Variants in ACCSL observed in about 807,000 individuals in gnomAD.
ACCSL encodes the protein 1-aminocyclopropane-1-carboxylate synthase homolog (inactive) like, also known as probable inactive 1-aminocyclopropane-1-carboxylate synthase-like protein 2.
A neutral mutation model predicts 61.7 loss-of-function variants in ACCSL; 55 were observed. The observed-to-expected ratio is 0.89, with a 90% CI of 0.72 to 1.12. ACCSL has a LOEUF of 1.12. ACCSL is among the 50% of genes most tolerant of loss of function. The probability of loss-of-function intolerance (pLI) is 0.00; values close to 1 mark genes in which losing one functional copy is unlikely to be tolerated. For synonymous variants in ACCSL, 258 were observed against 264.3 expected (o/e 0.98, Z 0.23); for missense variants, 632 against 698.0 (o/e 0.91, Z 1.07).
At chr11:43,943,226 A>G in the ACCSL span, 2 of 1,528,762 alleles carry the variant, frequency 1.3e-6, no homozygotes, top group Non-Finnish European at 1.8e-6. The surrounding 1 kb of genome is among the most constrained non-coding windows in gnomAD (Gnocchi z 4.8). Flanking sequence ...CAGCAGCTGC[A>G]AACTGAGGAA....
chr11:44,011,314 C>G, the ACCSL span, among the ~76,000 whole-genome samples: 1 of 152,196 alleles, frequency 6.6e-6, no homozygotes, highest in African/African-American at 2.4e-5. Context: ...CAGCACTCAT[C>G]GTGGTCCTAG....
At chr11:43,990,996 G>C in the ACCSL span, among the ~76,000 whole-genome samples, 1 of 151,686 alleles carries the variant, frequency 6.6e-6, no homozygotes, top group South Asian at 2.1e-4. Context: ...ACTTGAACCC[G>C]GGTAGCAGAG....
chr11:44,003,612 C>T, the ACCSL span, among the ~76,000 whole-genome samples: 2 of 149,618 alleles, frequency 1.3e-5, no homozygotes, highest in African/African-American at 4.9e-5. Context: ...CACTACACTC[C>T]AGTCTGGGCA....
the ACCSL span, chr11:43,944,075 A>C: frequency 2.8e-6 from 1 of 352,432 alleles, no homozygotes; most frequent in Admixed American, 4.0e-5. Context: ...AAGTGGATCC[A>C]CCCCCGGTCC....
the ACCSL span, among the ~76,000 whole-genome samples, chr11:43,930,417 G>C: frequency 6.6e-6 from 1 of 152,190 alleles, no homozygotes; most frequent in African/African-American, 2.4e-5. Context: ...GGTGGGAGGT[G>C]TTTGGATCAT....
At chr11:44,005,966 G>A in the ACCSL span, among the ~76,000 whole-genome samples, 14 of 152,300 alleles carry the variant, frequency 9.2e-5, no homozygotes, top group South Asian at 6.2e-4. Flanking sequence ...CCAAAGTGCA[G>A]GGGAGGGCCC....
the ACCSL span, among the ~76,000 whole-genome samples, chr11:43,958,252 C>T: frequency 6.6e-6 from 1 of 152,200 alleles, no homozygotes; most frequent in Non-Finnish European, 1.5e-5. Flanking sequence ...TATTGTGAAC[C>T]TAAGATGGGC....
the ACCSL span, among the ~76,000 whole-genome samples, chr11:44,007,322 C>A: frequency 1.3e-5 from 2 of 152,180 alleles, no homozygotes; most frequent in African/African-American, 4.8e-5. Flanking sequence ...GGGCCCCCTT[C>A]CCAGCCAGAC....
intron 7 of ACCSL, 110 bp downstream of exon 7, chr11:44,053,178 T>A (rs1952650514): frequency 1.9e-6 from 2 of 1,033,222 alleles, no homozygotes; most frequent in Non-Finnish European, 2.9e-6. Context: ...CTGTCCTTAG[T>A]TGGAAGAGAC....
At chr11:43,942,293 C>A in the ACCSL span, 14,737 of 166,848 alleles carry the variant, frequency 0.088, 830 homozygotes, top group African/African-American at 0.14. Flanking sequence ...CCTGCGGCCC[C>A]GCGGCCAACC....
chr11:43,946,286 A>C, the ACCSL span, among the ~76,000 whole-genome samples: 1 of 151,966 alleles, frequency 6.6e-6, no homozygotes, highest in African/African-American at 2.4e-5. Context: ...TTTAGTAGAG[A>C]TAAGTTTCAC....
In ACCSL at chr11:44,050,637, G is replaced by A; in HGVS notation, c.635+15G>A. On this transcript the variant is annotated intron_variant, in intron 3 of 13. Coordinates refer to ENST00000378832, the MANE Select transcript of ACCSL (RefSeq NM_001031854.2). ...GGGCAGCCATTGTAAGTGACCTTCA[G>A]ATTTAGAGTCTCTTGGTCCCACAGG... 2.5e-6 allele frequency: 4 copies of A among 1,612,734 alleles called. No individual in the cohort carries two copies. Among genetic ancestry groups the A allele is most frequent in the East Asian group, 2.2e-5 (1 of 44,846 alleles).
the ACCSL span, among the ~76,000 whole-genome samples, chr11:43,938,885 A>G: frequency 3.9e-5 from 6 of 152,250 alleles, no homozygotes; most frequent in Non-Finnish European, 8.8e-5. Context: ...TACCCTTAAT[A>G]TAATACTTTG....
the ACCSL span, among the ~76,000 whole-genome samples, chr11:43,985,911 G>T: frequency 6.6e-6 from 1 of 151,950 alleles, no homozygotes; most frequent in Non-Finnish European, 1.5e-5. Flanking sequence ...TGGGGAGTAT[G>T]CCTGTAATCC....
chr11:43,972,485 C>A, the ACCSL span, among the ~76,000 whole-genome samples: 3 of 152,288 alleles, frequency 2.0e-5, no homozygotes, highest in Admixed American at 1.3e-4. Flanking sequence ...GTTGGTGATT[C>A]ATGCTGATAC....
the ACCSL span, among the ~76,000 whole-genome samples, chr11:44,025,904 T>G: frequency 6.6e-6 from 1 of 152,242 alleles, no homozygotes; most frequent in African/African-American, 2.4e-5. Context: ...TGATGAAAAG[T>G]CAACTGCTGA....
At chr11:43,959,597 G>A in the ACCSL span, among the ~76,000 whole-genome samples, 3 of 152,204 alleles carry the variant, frequency 2.0e-5, no homozygotes, top group East Asian at 5.8e-4. Flanking sequence ...CTGGGACTGG[G>A]CGGTGGCAGA....
upstream of ACCSL, among the ~76,000 whole-genome samples, chr11:44,047,028 A>G (rs754911554): frequency 6.6e-6 from 1 of 152,176 alleles, no homozygotes; most frequent in Non-Finnish European, 1.5e-5. Context: ...CCAAAAAAAA[A>G]CAAAAACAAA....
chr11:44,059,510 T>C (rs1352812672), intron 13 of ACCSL, among the ~76,000 whole-genome samples: 1 of 152,228 alleles, frequency 6.6e-6, no homozygotes, highest in Non-Finnish European at 1.5e-5. Context: ...TGTTACAGAA[T>C]TCTTTTGAGC....
Sources: gnomAD v4.1 joint callset for allele counts (sites outside exome capture counted in the v4.1 genomes callset) on GRCh38, gnomAD v4.1.1 for gene constraint, Gnocchi (gnomAD v3.1) non-coding constraint, MANE v1.5 for transcripts, NCBI Gene and HGNC (gene_info 2026-07-23, HGNC 2026-07-21) for gene names.